The following ETV1 variants were observed in gnomAD, a reference collection of about 807,000 sequenced individuals.
ETV1 encodes ETS variant transcription factor 1, also known as ETS translocation variant 1.
A neutral mutation model predicts 62.3 loss-of-function variants in ETV1; 27 were observed. That is an observed-to-expected ratio of 0.43 (90% CI 0.32 to 0.60). The LOEUF is 0.60. ETV1 is among the 20% of genes least tolerant of loss of function. ETV1 has a pLI of 0.06. For synonymous variants in ETV1, 222 were observed against 199.6 expected (o/e 1.11, Z -0.94); for missense variants, 605 against 605.8 (o/e 1.00, Z 0.01).
chr7:13,945,141 C>A (rs1788006265), intron 6 of ETV1, among the ~76,000 whole-genome samples: 1 of 152,114 alleles, frequency 6.6e-6, no homozygotes, highest in Non-Finnish European at 1.5e-5. Context: ...TACACCACTC[C>A]CAGAAATTCC....
At chr7:13,984,908 C>G (rs1782389877) in intron 5 of ETV1, among the ~76,000 whole-genome samples, 1 of 99,356 alleles carries the variant, frequency 1.0e-5, no homozygotes, top group South Asian at 2.7e-4. Context: ...CTACAAGACA[C>G]AAAACAAGTA....
At chr7:13,908,302 G>C (rs1249580934) in intron 11 of ETV1, among the ~76,000 whole-genome samples, 2 of 152,106 alleles carry the variant, frequency 1.3e-5, no homozygotes, top group African/African-American at 4.8e-5. Flanking sequence ...TGGCCTGTCA[G>C]ATTATATTGT....
intron 9 of ETV1, among the ~76,000 whole-genome samples, chr7:13,925,566 G>A (rs995807780): frequency 2.1e-5 from 3 of 139,878 alleles, no homozygotes; most frequent in African/African-American, 7.6e-5. Flanking sequence ...TACATTAATT[G>A]ATTTTTTTTT....
In ETV1 at chr7:13,931,651, G is replaced by C. The variant is rs1213895329; in HGVS notation, c.653C>G (p.Pro218Arg). Residue 218 changes from proline to arginine, a missense_variant, in exon 9 of 14, where the codon CCA (proline) becomes CGA (arginine). By Grantham distance (103) the Pro-to-Arg change is moderately radical. Coordinates refer to ENST00000430479, the MANE Select transcript of ETV1 (RefSeq NM_004956.5). Reference protein sequence around the residue: ...RPMYQRQMSEPNIPFPPQGFK... With the variant: ...RPMYQRQMSERNIPFPPQGFK... ...GCCTTGTGGTGGGAAGGGGATGTTT[G>C]GCTCAGACATCTGGCGTTGGTACAT... 1.2e-6 allele frequency: 2 copies of C among 1,613,910 alleles called. No homozygotes were observed. Among genetic ancestry groups the C allele is most frequent in the Non-Finnish European group, 1.7e-6 (2 of 1,179,914 alleles).
chr7:13,900,632 G>A, intron 13 of ETV1, 106 bp downstream of exon 13: 1 of 758,220 alleles, frequency 1.3e-6, no homozygotes, highest in East Asian at 2.8e-5. Context: ...GTTAAAATGA[G>A]TGAAAAACTC....
intron 5 of ETV1, chr7:13,986,061 C>T: frequency 2.3e-6 from 3 of 1,325,876 alleles, no homozygotes; most frequent in Non-Finnish European, 3.2e-6. Flanking sequence ...TTTTAAAATC[C>T]TCATATCTCC....
chr7:13,989,316 A>C lies in ETV1; in HGVS notation c.-136T>G, dbSNP rs1179534396. 2 of 497,628 alleles carry C rather than the reference A, an allele frequency of 4.0e-6. No homozygotes were observed. Among genetic ancestry groups the C allele is most frequent in the Admixed American group, 3.8e-5 (1 of 26,342 alleles). The allele number at this position is 497,628 out of a possible 1,614,324, so 30.8% of individuals were successfully genotyped here. ...AGTTCACAATTTACATATTTTCGGTAGTAGCAAAAATCCGAACAAGAGGCG... is the reference window on the plus strand; with the variant it reads ...AGTTCACAATTTACATATTTTCGGTCGTAGCAAAAATCCGAACAAGAGGCG... On this transcript the variant is annotated 5_prime_UTR_variant, in exon 2 of 14. Transcript: ENST00000430479.
At chr7:13,899,181 C>T (rs973401972) in intron 13 of ETV1, among the ~76,000 whole-genome samples, 10 of 152,000 alleles carry the variant, frequency 6.6e-5, no homozygotes, top group Admixed American at 6.6e-5. Flanking sequence ...AATGTGCCCC[C>T]GCATTAGGAA....
At chr7:13,946,032 G>A (rs575372097) in intron 6 of ETV1, among the ~76,000 whole-genome samples, 2 of 152,178 alleles carry the variant, frequency 1.3e-5, no homozygotes, top group African/African-American at 2.4e-5. Flanking sequence ...AGAGTTACAG[G>A]CATCTGCGTT....
At chr7:13,906,690 A>C (rs1464321843) in intron 11 of ETV1, 91 bp from the exon 12 acceptor site, 16 of 834,196 alleles carry the variant, frequency 1.9e-5, no homozygotes, top group Non-Finnish European at 5.4e-6. Flanking sequence ...ATATGGTTAA[A>C]CCACAATCAA....
chr7:13,910,153 T>G (rs2128418934), intron 10 of ETV1, among the ~76,000 whole-genome samples: 1 of 152,050 alleles, frequency 6.6e-6, no homozygotes, highest in Admixed American at 6.6e-5. Context: ...ATCCTCTTAC[T>G]TTCTTGTAAA....
chr7:13,972,298 G>A (rs1184893416), intron 6 of ETV1, among the ~76,000 whole-genome samples: 1 of 151,960 alleles, frequency 6.6e-6, no homozygotes, highest in Non-Finnish European at 1.5e-5. Flanking sequence ...CGGGCATGGT[G>A]GTGCGTGCCT....
chr7:13,970,264 ACACACACACACACACAC>A (rs1780751232), intron 6 of ETV1, among the ~76,000 whole-genome samples: 6 of 3,474 alleles, frequency 1.7e-3, no homozygotes, highest in African/African-American at 2.3e-3. Flanking sequence ...CCATCTCAAA[ACACACACACACACACAC>A]ACACACACAC....
chr7:13,973,507 A>G (rs1159394564), intron 6 of ETV1, among the ~76,000 whole-genome samples: 1 of 152,216 alleles, frequency 6.6e-6, no homozygotes, highest in African/African-American at 2.4e-5. Flanking sequence ...TTTAGTATCT[A>G]ATACAAATGC....
chr7:13,960,012 C>T (rs1206958291), intron 6 of ETV1, among the ~76,000 whole-genome samples: 2 of 150,972 alleles, frequency 1.3e-5, no homozygotes, highest in African/African-American at 4.9e-5. Context: ...AGACAACCTA[C>T]CACATAAAAT....
At chr7:13,916,988 A>G (rs73068171) in intron 9 of ETV1, among the ~76,000 whole-genome samples, 8,181 of 152,050 alleles carry the variant, frequency 0.054, 291 homozygotes, top group African/African-American at 0.1. Flanking sequence ...TAGAATAAGT[A>G]AATAATGCAG....
chr7:13,979,243 G>A (rs1781747905), intron 5 of ETV1, among the ~76,000 whole-genome samples: 1 of 151,940 alleles, frequency 6.6e-6, no homozygotes. Context: ...TAAACGCAAT[G>A]CCAGCTACTC....
At chr7:13,932,264 C>CT (rs1005213449) in intron 8 of ETV1, among the ~76,000 whole-genome samples, 6 of 152,152 alleles carry the variant, frequency 3.9e-5, no homozygotes, top group Non-Finnish European at 8.8e-5. Flanking sequence ...AGAGGAATGA[C>CT]TTTTTTCTCA....
chr7:13,912,252 G>T (rs539661200), intron 9 of ETV1, among the ~76,000 whole-genome samples: 1 of 152,284 alleles, frequency 6.6e-6, no homozygotes, highest in East Asian at 1.9e-4. Flanking sequence ...GAAAAGGAGG[G>T]AGAAAGGAAG....
Sources: allele counts gnomAD v4.1 joint callset (sites outside exome capture counted in the v4.1 genomes callset), GRCh38; gene constraint gnomAD v4.1.1; transcripts MANE v1.5; gene names NCBI Gene and HGNC (gene_info 2026-07-23, HGNC 2026-07-21).